FAM107B: variants seen among roughly 807,000 people sequenced by gnomAD.
FAM107B encodes the protein family with sequence similarity 107 member B.
In FAM107B, 21 loss-of-function variants were observed where a neutral mutation model predicts 31.5. The observed-to-expected ratio is 0.67, with a 90% CI of 0.47 to 0.96. FAM107B has a LOEUF of 0.96. Ranked by LOEUF, FAM107B falls within the 40% of genes least tolerant of loss-of-function variation. FAM107B has a pLI of 0.00. For missense variants in FAM107B, 452 were observed against 377.1 expected, an observed-to-expected ratio of 1.20 and a Z score of -1.64; for synonymous variants, 157 against 141.5, an observed-to-expected ratio of 1.11 and a Z score of -0.78.
At chr10:14,730,045 G>T (rs1215729189) in intron 1 of FAM107B, among the ~76,000 whole-genome samples, 1 of 152,116 alleles carries the variant, frequency 6.6e-6, no homozygotes, top group Non-Finnish European at 1.5e-5. Flanking sequence ...TTGGGGGGTT[G>T]GGGGCAAAGG....
At chr10:14,678,323 G>T (rs965488931) in intron 1 of FAM107B, among the ~76,000 whole-genome samples, 1 of 151,984 alleles carries the variant, frequency 6.6e-6, no homozygotes, top group Non-Finnish European at 1.5e-5. Flanking sequence ...TGGGATGGTG[G>T]GTATGTGTTT....
intron 2 of FAM107B, among the ~76,000 whole-genome samples, chr10:14,634,318 T>G (rs1396021806): frequency 4.0e-5 from 6 of 150,594 alleles, no homozygotes; most frequent in Non-Finnish European, 4.4e-5. Context: ...GAGAATCGCT[T>G]AAACCCAGGA....
intron 1 of FAM107B, among the ~76,000 whole-genome samples, chr10:14,769,732 A>G (rs1185192491): frequency 6.6e-6 from 1 of 152,164 alleles, no homozygotes; most frequent in Non-Finnish European, 1.5e-5. Flanking sequence ...TTCCCAAACT[A>G]CAATTACTAT....
At chr10:14,729,039 C>A (rs1039734483) in intron 1 of FAM107B, among the ~76,000 whole-genome samples, 1 of 152,066 alleles carries the variant, frequency 6.6e-6, no homozygotes, top group African/African-American at 2.4e-5. Context: ...TTGGCCCTGG[C>A]TGGAGTACAG....
intron 2 of FAM107B, among the ~76,000 whole-genome samples, chr10:14,604,862 T>G (rs895471192): frequency 4.6e-5 from 7 of 152,000 alleles, no homozygotes; most frequent in Admixed American, 3.3e-4. Flanking sequence ...TCTCCCTCAT[T>G]CTCATTCTCT....
At chr10:14,536,850 T>C (rs1042545802) in intron 2 of FAM107B, among the ~76,000 whole-genome samples, 1 of 152,174 alleles carries the variant, frequency 6.6e-6, no homozygotes, top group East Asian at 1.9e-4. Flanking sequence ...ACGAACTCAA[T>C]AAATTTGCTG....
chr10:14,634,322 C>A (rs1392082222), intron 2 of FAM107B, among the ~76,000 whole-genome samples: 1 of 151,486 alleles, frequency 6.6e-6, no homozygotes, highest in Non-Finnish European at 1.5e-5. Context: ...ATCGCTTAAA[C>A]CCAGGAGGCT....
rs755278115 is a variant in FAM107B at position 14,774,550 on chromosome 10, A to C, written c.114T>G (p.Ala38=). 2.8e-5 allele frequency: 45 copies of C among 1,614,092 alleles called. No individual in the cohort carries two copies. The highest frequency in any genetic ancestry group is 3.3e-5 in the Non-Finnish European group (39 of 1,180,034). Residue 38 remains alanine (A), a synonymous_variant, in exon 1 of 5, where the codon GCT becomes GCG. Coordinates refer to ENST00000181796, the MANE Select transcript of FAM107B (RefSeq NM_031453.4). ...LACFGNTRES[A]SFNQSGVADT... ...CAGCCACGCCGGACTGATTGAAGGA[A>C]GCACTCTCCCTCGTATTCCCAAAAC...
At chr10:14,664,215 G>A (rs1375376893) in intron 2 of FAM107B, among the ~76,000 whole-genome samples, 1 of 152,122 alleles carries the variant, frequency 6.6e-6, no homozygotes, top group African/African-American at 2.4e-5. Flanking sequence ...CTGAAGCTCT[G>A]TGAAGGCAAG....
intron 3 of FAM107B, among the ~76,000 whole-genome samples, chr10:14,529,008 G>T (rs1846640850): frequency 6.6e-6 from 1 of 152,164 alleles, no homozygotes; most frequent in Non-Finnish European, 1.5e-5. Context: ...TTATAGATAA[G>T]GGAACTGAGG....
At chr10:14,552,015 A>C (rs1849306902) in intron 2 of FAM107B, among the ~76,000 whole-genome samples, 2 of 152,172 alleles carry the variant, frequency 1.3e-5, no homozygotes, top group Admixed American at 6.5e-5. Flanking sequence ...GTGTAGTTCT[A>C]TTGTAAAGGA....
chr10:14,730,542 G>A (rs1856149914), intron 1 of FAM107B, among the ~76,000 whole-genome samples: 1 of 152,232 alleles, frequency 6.6e-6, no homozygotes, highest in Non-Finnish European at 1.5e-5. Flanking sequence ...GCAGAGATGA[G>A]GTTGGAGGAT....
At chr10:14,607,141 G>C (rs1443153415) in intron 2 of FAM107B, among the ~76,000 whole-genome samples, 2 of 152,196 alleles carry the variant, frequency 1.3e-5, no homozygotes, top group Non-Finnish European at 2.9e-5. Flanking sequence ...GAGAGAAATA[G>C]AAACAAAGGC....
intron 2 of FAM107B, among the ~76,000 whole-genome samples, chr10:14,558,547 A>C (rs1196487337): frequency 6.6e-6 from 1 of 152,138 alleles, no homozygotes; most frequent in Non-Finnish European, 1.5e-5. Context: ...CCAGAAAGAG[A>C]GTTGTGTGGA....
At chr10:14,571,961 G>T in intron 2 of FAM107B, 1 of 985,364 alleles carries the variant, frequency 1.0e-6, no homozygotes, top group Non-Finnish European at 1.2e-6. Context: ...GCCCAAGGTA[G>T]CAAATAAAAA....
chr10:14,563,245 T>C (rs1029347127), intron 2 of FAM107B, among the ~76,000 whole-genome samples: 3 of 152,198 alleles, frequency 2.0e-5, no homozygotes, highest in Non-Finnish European at 2.9e-5. Flanking sequence ...CAAAAAATAC[T>C]TATTTTTTTT....
chr10:14,532,931 C>A (rs138118659), intron 2 of FAM107B, among the ~76,000 whole-genome samples: 1 of 152,008 alleles, frequency 6.6e-6, no homozygotes, highest in Non-Finnish European at 1.5e-5. Flanking sequence ...GCGAGAAGAG[C>A]GCATGCAAAG....
chr10:14,526,621 T>C lies in FAM107B; in HGVS notation c.653+3711A>G, dbSNP rs544994979. Among the ~76,000 whole-genome samples, 279 of 152,334 alleles carry C rather than the reference T, an allele frequency of 1.8e-3. 1 individual carries two copies. The highest frequency in any genetic ancestry group is 5.9e-3 in the African/African-American group (246 of 41,584). On this transcript the variant is annotated intron_variant, in intron 3 of 4. Coordinates refer to ENST00000181796, the MANE Select transcript of FAM107B (RefSeq NM_031453.4). The stretch of plus-strand genomic sequence containing the variant: ...CTAGAACTGCCCCTATCTTTTTCCA[T>C]GTTGTACAGCAGCAAGTATTTATTG...
chr10:14,605,006 G>T (rs1852553025), intron 2 of FAM107B, among the ~76,000 whole-genome samples: 1 of 152,062 alleles, frequency 6.6e-6, no homozygotes, highest in Non-Finnish European at 1.5e-5. Flanking sequence ...TCCGGGCTCC[G>T]TCTCCCCGGC....
Sources: gnomAD v4.1 joint callset for allele counts (sites outside exome capture counted in the v4.1 genomes callset) on GRCh38, gnomAD v4.1.1 for gene constraint, MANE v1.5 for transcripts, NCBI Gene and HGNC (gene_info 2026-07-23, HGNC 2026-07-21) for gene names.